The following MTUS1 variants were observed in gnomAD, a reference collection of about 807,000 sequenced individuals.
The protein encoded by MTUS1 is microtubule-associated tumor suppressor 1.
In MTUS1, 109 loss-of-function variants were observed where a neutral mutation model predicts 120.8. The ratio of observed to expected loss-of-function variants is 0.90; its 90% CI spans 0.77 to 1.06. MTUS1 has a LOEUF of 1.06. Among genes scored for constraint, MTUS1 ranks in the 50% least tolerant of loss-of-function variants. The pLI, the probability that MTUS1 is intolerant of heterozygous loss-of-function variation, is 0.00. For synonymous variants in MTUS1, 737 were observed against 550.5 expected (o/e 1.34, Z -4.74); for missense variants, 2,210 against 1,486.3 (o/e 1.49, Z -8.01).
intron 7 of MTUS1, among the ~76,000 whole-genome samples, chr8:17,680,999 T>C (rs891111792): frequency 6.6e-6 from 1 of 152,054 alleles, no homozygotes; most frequent in African/African-American, 2.4e-5. Flanking sequence ...AGTGGTGCGA[T>C]CTTGGCTCAC....
chr8:17,781,701 C>A (rs1454512464), intron 1 of MTUS1, among the ~76,000 whole-genome samples: 1 of 152,226 alleles, frequency 6.6e-6, no homozygotes, highest in Non-Finnish European at 1.5e-5. Context: ...CCACACCTGT[C>A]TTTAGACAGC....
rs747712147 is a variant in MTUS1 at position 17,754,034 on chromosome 8, T to C, written c.1774A>G (p.Thr592Ala). 4.9e-5 allele frequency: 79 copies of C among 1,614,042 alleles called. No homozygotes were observed. Among genetic ancestry groups the C allele is most frequent in the Non-Finnish European group, 6.2e-5 (73 of 1,180,038 alleles). The change falls in exon 2 of 15, where the codon ACT (threonine) becomes GCT (alanine). Residue 592 changes from threonine (T) to alanine (A), a missense_variant. By Grantham distance (58) the Thr-to-Ala change is moderately conservative. Coordinates refer to ENST00000693296, the MANE Select transcript of MTUS1 (RefSeq NM_001363059.2). ...CTGTGTGAAGCATTTTTAGAATGAGTTGTAACATGCACAGCCTGGCTAGTA... is the reference window on the plus strand; with the variant it reads ...CTGTGTGAAGCATTTTTAGAATGAGCTGTAACATGCACAGCCTGGCTAGTA... ...LITSQAVHVT[T>A]HSKNASHRVP...
intron 8 of MTUS1, among the ~76,000 whole-genome samples, chr8:17,663,605 GT>G (rs111999225): frequency 2.0e-5 from 2 of 98,560 alleles, no homozygotes; most frequent in South Asian, 2.8e-4. Context: ...GTTTTGTTTT[GT>G]TTTTTTTGAG....
At chr8:17,706,010 T>G (rs945932017) in intron 6 of MTUS1, 1 of 152,176 alleles carries the variant, frequency 6.6e-6, no homozygotes. Context: ...ACTACAATCT[T>G]GCAGCGTCAT....
At position 17,753,697 on chromosome 8, in the gene MTUS1, A is replaced by T. The variant is rs555547137; in HGVS notation, c.2091+20T>A. The T allele has an allele frequency of 5.9e-5, 88 of 1,488,630 alleles. No individual in the cohort carries two copies. The highest frequency in any genetic ancestry group is 2.3e-4 in the East Asian group (10 of 43,830). The allele number at this position is 1,488,630 out of a possible 1,614,324, so 92.2% of individuals were successfully genotyped here. A position where few individuals can be genotyped will look rare whatever the true frequency, so the allele number is the denominator to read the frequency against. On this transcript the variant is annotated intron_variant, in intron 2 of 14. Transcript: ENST00000693296. ...CCACAGTTCTCTGAAGCATGCAAAA[A>T]ATATATATATATTACTTACCAAAAA... is the stretch of plus-strand genomic sequence containing the variant.
chr8:17,662,272 ACAAG>A (rs1809906437), intron 8 of MTUS1, among the ~76,000 whole-genome samples: 1 of 152,110 alleles, frequency 6.6e-6, no homozygotes, highest in East Asian at 1.9e-4. Context: ...CGAATTTGCA[ACAAG>A]CAAGCATGGA....
intron 1 of MTUS1, among the ~76,000 whole-genome samples, chr8:17,762,167 T>C (rs1001636489): frequency 1.3e-5 from 2 of 152,074 alleles, no homozygotes; most frequent in Non-Finnish European, 2.9e-5. Context: ...TAATCCCACC[T>C]ACTCAGGAGG....
intron 3 of MTUS1, among the ~76,000 whole-genome samples, chr8:17,733,027 C>T (rs928270781): frequency 6.6e-6 from 1 of 152,166 alleles, no homozygotes; most frequent in African/African-American, 2.4e-5. Flanking sequence ...CCAGTTCAAA[C>T]TCCAAGTCCT....
chr8:17,754,594 A>AC lies in MTUS1; in HGVS notation c.1213dup (p.Val405GlyfsTer13), dbSNP rs772777788. The AC allele has an allele frequency of 2.5e-6, 4 of 1,614,060 alleles. No individual in the cohort carries two copies. In the South Asian group the frequency reaches 4.4e-5, roughly 18 times the overall value. ...CCAAGTCAGTCCAAATGACGAGCCCACCTTTTGTCCTGGCGGGCTACTTAG... is the reference window on the plus strand; with the variant it reads ...CCAAGTCAGTCCAAATGACGAGCCCACCCTTTTGTCCTGGCGGGCTACTTAG... On this transcript the variant is annotated frameshift_variant, in exon 2 of 15. Coordinates refer to ENST00000693296, the MANE Select transcript of MTUS1 (RefSeq NM_001363059.2). LOFTEE classifies it high-confidence loss of function.
chr8:17,685,614 A>C (rs1815616080), intron 6 of MTUS1, among the ~76,000 whole-genome samples: 1 of 152,238 alleles, frequency 6.6e-6, no homozygotes, highest in Non-Finnish European at 1.5e-5. Flanking sequence ...AAGCTACTAC[A>C]GTGATTGCTT....
intron 6 of MTUS1, among the ~76,000 whole-genome samples, chr8:17,692,952 G>A (rs1019551186): frequency 2.6e-5 from 4 of 152,098 alleles, no homozygotes; most frequent in African/African-American, 7.2e-5. Context: ...CCTCCCTTGC[G>A]CTGCAGTAAT....
intron 2 of MTUS1, among the ~76,000 whole-genome samples, chr8:17,749,896 C>G (rs528463269): frequency 6.6e-6 from 1 of 152,140 alleles, no homozygotes; most frequent in East Asian, 1.9e-4. Flanking sequence ...CCACTGGTCA[C>G]TCATGTTTGG....
chr8:17,715,239 G>C (rs894402486), intron 5 of MTUS1, among the ~76,000 whole-genome samples: 1 of 152,052 alleles, frequency 6.6e-6, no homozygotes, highest in Non-Finnish European at 1.5e-5. Flanking sequence ...TGGCCCCACT[G>C]AGACAAAGCT....
chr8:17,730,485 TAAA>T (rs56305317), intron 3 of MTUS1, among the ~76,000 whole-genome samples: 28 of 122,772 alleles, frequency 2.3e-4, no homozygotes, highest in Admixed American at 4.2e-4. Flanking sequence ...ACTCTGTCTT[TAAA>T]AAAAAAAAAA....
chr8:17,682,827 C>T (rs886387811), intron 7 of MTUS1, among the ~76,000 whole-genome samples: 1 of 152,164 alleles, frequency 6.6e-6, no homozygotes, highest in African/African-American at 2.4e-5. Context: ...TAAACACACT[C>T]TTGATTCCTT....
At chr8:17,695,560 G>C (rs1817776707) in intron 6 of MTUS1, among the ~76,000 whole-genome samples, 1 of 152,170 alleles carries the variant, frequency 6.6e-6, no homozygotes, top group Admixed American at 6.5e-5. Context: ...CCTGGTAATA[G>C]AAGCCTTGTG....
chr8:17,744,469 G>A (rs994646076), intron 2 of MTUS1, among the ~76,000 whole-genome samples: 1 of 152,000 alleles, frequency 6.6e-6, no homozygotes, highest in African/African-American at 2.4e-5. Flanking sequence ...CGCCCAGGCT[G>A]GAGTGTAGTG....
intron 12 of MTUS1, among the ~76,000 whole-genome samples, chr8:17,650,615 C>A (rs368263508): frequency 5.9e-5 from 9 of 152,090 alleles, no homozygotes; most frequent in Non-Finnish European, 1.2e-4. Flanking sequence ...GAGGCTGAGG[C>A]GGGAGGATCA....
chr8:17,669,111 T>C (rs1202142411), intron 8 of MTUS1, among the ~76,000 whole-genome samples: 1 of 152,196 alleles, frequency 6.6e-6, no homozygotes, highest in Non-Finnish European at 1.5e-5. Context: ...TTCCTAATTC[T>C]AGATGGCAAG....
Sources: allele counts gnomAD v4.1 joint callset (sites outside exome capture counted in the v4.1 genomes callset), GRCh38; gene constraint gnomAD v4.1.1; transcripts MANE v1.5; gene names NCBI Gene and HGNC (gene_info 2026-07-23, HGNC 2026-07-21).